AMPH: variants seen among roughly 807,000 people sequenced by gnomAD.
AMPH encodes the protein amphiphysin.
In AMPH, 49 loss-of-function variants were observed where a neutral mutation model predicts 99.1. The observed-to-expected ratio is 0.49, with a 90% CI of 0.39 to 0.63. The LOEUF is 0.63. Ranked by LOEUF, AMPH falls within the 20% of genes least tolerant of loss-of-function variation. AMPH has a pLI of 0.00. For missense variants in AMPH, 759 were observed against 863.4 expected, an observed-to-expected ratio of 0.88 and a Z score of 1.52; for synonymous variants, 314 against 317.3, an observed-to-expected ratio of 0.99 and a Z score of 0.11.
chr7:38,585,923 T>G (rs1056685735), intron 1 of AMPH, among the ~76,000 whole-genome samples: 5 of 152,234 alleles, frequency 3.3e-5, no homozygotes, highest in Non-Finnish European at 7.3e-5. Flanking sequence ...GATAGTGAAG[T>G]AGCAGCTAGC....
At chr7:38,434,053 T>C (rs1015330477) in intron 12 of AMPH, among the ~76,000 whole-genome samples, 4 of 152,104 alleles carry the variant, frequency 2.6e-5, no homozygotes, top group Non-Finnish European at 2.9e-5. Flanking sequence ...AAGACTTTTG[T>C]TCTTAGCAAA....
intron 1 of AMPH, among the ~76,000 whole-genome samples, chr7:38,548,449 C>T (rs78513529): frequency 0.021 from 3,201 of 152,200 alleles, 255 homozygotes; most frequent in East Asian, 0.16. Context: ...TGACTCTTCC[C>T]TTGGCTTAGT....
At chr7:38,602,657 C>T (rs1359894906) in intron 1 of AMPH, among the ~76,000 whole-genome samples, 1 of 152,220 alleles carries the variant, frequency 6.6e-6, no homozygotes, top group Non-Finnish European at 1.5e-5. Flanking sequence ...AACTGAACTA[C>T]ATCTACAAAG....
chr7:38,607,341 T>G (rs1198284437), intron 1 of AMPH, among the ~76,000 whole-genome samples: 1 of 152,200 alleles, frequency 6.6e-6, no homozygotes, highest in Non-Finnish European at 1.5e-5. Flanking sequence ...TATTACGAGC[T>G]CCACTTTAGC....
At position 38,463,076 on chromosome 7, in the gene AMPH, GTGA is replaced by G; in HGVS notation, c.784_786del (p.Ser262del). On this transcript the variant is annotated inframe_deletion, in exon 10 of 21. Coordinates refer to ENST00000356264, the MANE Select transcript of AMPH (RefSeq NM_001635.4). The stretch of plus-strand genomic sequence containing the variant: ...GGGAGGGGTGAAGGCTCCTCAGGCG[GTGA>G]TGGTGTCTTTGCAATGCGGAGAGGA... 6.2e-7 allele frequency: 1 copy of G among 1,613,050 alleles called. No individual in the cohort carries two copies. The highest frequency in any genetic ancestry group is 8.5e-7 in the Non-Finnish European group (1 of 1,179,418).
At chr7:38,597,003 T>C (rs1411532269) in intron 1 of AMPH, among the ~76,000 whole-genome samples, 2 of 152,192 alleles carry the variant, frequency 1.3e-5, no homozygotes, top group African/African-American at 4.8e-5. Context: ...ATAGCAACAA[T>C]GCAACAAATA....
intron 1 of AMPH, among the ~76,000 whole-genome samples, chr7:38,546,036 T>C (rs1790984708): frequency 6.6e-6 from 1 of 152,228 alleles, no homozygotes; most frequent in African/African-American, 2.4e-5. Context: ...AGTTGAAGGC[T>C]GGACACAGTA....
At chr7:38,437,805 C>A (rs1786342980) in intron 11 of AMPH, among the ~76,000 whole-genome samples, 1 of 151,344 alleles carries the variant, frequency 6.6e-6, no homozygotes, top group Admixed American at 6.6e-5. Context: ...CTCCATTCCC[C>A]CCCAAAAATA....
intron 1 of AMPH, among the ~76,000 whole-genome samples, chr7:38,539,523 A>G (rs1360805908): frequency 1.3e-5 from 2 of 152,246 alleles, no homozygotes; most frequent in African/African-American, 4.8e-5. Context: ...TTACTCAGGA[A>G]GAGGCACAGC....
At chr7:38,609,892 A>G (rs2129065009) in intron 1 of AMPH, among the ~76,000 whole-genome samples, 1 of 152,196 alleles carries the variant, frequency 6.6e-6, no homozygotes, top group East Asian at 1.9e-4. Context: ...TCAAAAACTT[A>G]CTCTGTTCAA....
chr7:38,510,474 C>A (rs1400165686), intron 2 of AMPH, among the ~76,000 whole-genome samples: 1 of 152,166 alleles, frequency 6.6e-6, no homozygotes, highest in Non-Finnish European at 1.5e-5. Context: ...AAAATAATCA[C>A]AAAGTCTAAC....
intron 13 of AMPH, among the ~76,000 whole-genome samples, chr7:38,431,604 C>A: frequency 6.6e-6 from 1 of 150,548 alleles, no homozygotes; most frequent in East Asian, 2.0e-4. Context: ...TGCAGTGAGC[C>A]GAGACAGTGC....
intron 1 of AMPH, among the ~76,000 whole-genome samples, chr7:38,562,428 G>A (rs1428800087): frequency 6.6e-6 from 1 of 152,120 alleles, no homozygotes; most frequent in Non-Finnish European, 1.5e-5. Flanking sequence ...TACTTTGACA[G>A]CATCAAGAAG....
chr7:38,405,125 G>A (rs533332929), intron 17 of AMPH, among the ~76,000 whole-genome samples: 11 of 152,102 alleles, frequency 7.2e-5, no homozygotes, highest in African/African-American at 2.4e-4. Flanking sequence ...CTTCATAAAC[G>A]AAGGAGAAAT....
intron 1 of AMPH, among the ~76,000 whole-genome samples, chr7:38,552,861 T>C (rs1261821024): frequency 6.6e-6 from 1 of 152,170 alleles, no homozygotes; most frequent in African/African-American, 2.4e-5. Flanking sequence ...ACTAATTAAA[T>C]AAAACTATCT....
chr7:38,441,468 T>A (rs945728227), intron 11 of AMPH, among the ~76,000 whole-genome samples: 4 of 152,042 alleles, frequency 2.6e-5, no homozygotes, highest in African/African-American at 9.7e-5. Flanking sequence ...TAAGCAGTAT[T>A]CTGGGTCATC....
intron 19 of AMPH, 31 bp downstream of exon 19, chr7:38,391,717 A>G: frequency 6.3e-7 from 1 of 1,591,840 alleles, no homozygotes; most frequent in South Asian, 1.1e-5. Flanking sequence ...AAGCAAAAAA[A>G]GGATAAATGA....
At chr7:38,495,940 C>T (rs1012791356) in intron 3 of AMPH, among the ~76,000 whole-genome samples, 25 of 152,254 alleles carry the variant, frequency 1.6e-4, no homozygotes, top group African/African-American at 5.8e-4. Context: ...CAGCTCATGG[C>T]TGAGAGCAAA....
intron 14 of AMPH, chr7:38,429,119 A>T: frequency 7.8e-7 from 1 of 1,290,168 alleles, no homozygotes; most frequent in African/African-American, 1.5e-5. Context: ...CTTCCTCTTC[A>T]TCTGACTTCT....
Sources: allele counts gnomAD v4.1 joint callset (sites outside exome capture counted in the v4.1 genomes callset), GRCh38; gene constraint gnomAD v4.1.1; transcripts MANE v1.5; gene names NCBI Gene and HGNC (gene_info 2026-07-23, HGNC 2026-07-21).